TSNARE1: variants seen among roughly 807,000 people sequenced by gnomAD.
TSNARE1 encodes the protein t-SNARE domain-containing protein 1.
TSNARE1 carries 49 observed loss-of-function variants against 62.0 expected under a neutral mutation model. That is an observed-to-expected ratio of 0.79 (90% CI 0.63 to 1.00). The LOEUF is 1.00. Among genes scored for constraint, TSNARE1 ranks in the 50% least tolerant of loss-of-function variants. The probability of loss-of-function intolerance (pLI) is 0.00; values close to 1 mark genes in which losing one functional copy is unlikely to be tolerated. For synonymous variants in TSNARE1, 328 were observed against 294.4 expected, an observed-to-expected ratio of 1.11 and a Z score of -1.17; for missense variants, 755 against 700.1, an observed-to-expected ratio of 1.08 and a Z score of -0.88.
rs879726964 is a variant in TSNARE1, at chr8:142,257,556, G to A, written c.1446+17225C>T. ...GCTTCCCTGGCAGCTGCTTGGCTCC[G>A]GGACACTGGGCAGCTCCCCTGCCGC... On this transcript the variant is annotated intron_variant, in intron 12 of 13. Coordinates refer to ENST00000524325, the MANE Select transcript of TSNARE1 (RefSeq NM_145003.5). Among the ~76,000 whole-genome samples the A allele has an allele frequency of 1.1e-4, 17 of 152,104 alleles. 1 individual carries two copies. Among genetic ancestry groups the A allele is most frequent in the Admixed American group, 7.9e-4 (12 of 15,276 alleles).
At chr8:142,375,682 GA>G (rs1218282091) in intron 1 of TSNARE1, among the ~76,000 whole-genome samples, 1 of 152,238 alleles carries the variant, frequency 6.6e-6, no homozygotes, top group African/African-American at 2.4e-5. Flanking sequence ...GTGGTTCAAT[GA>G]AAATGAAATC....
Position 142,344,459 on chromosome 8 carries a change from G to C in TSNARE1, c.252C>G (p.Ala84=). 1.9e-6 allele frequency: 3 copies of C among 1,558,292 alleles called. No homozygotes were observed. The highest frequency in any genetic ancestry group is 2.6e-6 in the Non-Finnish European group (3 of 1,155,966). The change falls in exon 4 of 14, where the codon GCC becomes GCG. Residue 84 remains alanine, a synonymous_variant. Transcript: ENST00000524325. ...GCTCCGGCATCCGGCTGCCTTCAGG[G>C]GCAACCCCAGGCCCTGGAAAGGCAC... The part of the protein sequence containing the change: ...PRARKRGPGV[A]PEGSRMPEPT...
intron 13 of TSNARE1, among the ~76,000 whole-genome samples, chr8:142,216,915 C>G (rs2129841159): frequency 6.6e-6 from 1 of 152,244 alleles, no homozygotes; most frequent in Middle Eastern, 3.4e-3. Context: ...GGAGATGAAA[C>G]AGGGAGAGGA....
chr8:142,325,242 C>G (rs1251020786), intron 6 of TSNARE1, among the ~76,000 whole-genome samples: 1 of 152,192 alleles, frequency 6.6e-6, no homozygotes, highest in African/African-American at 2.4e-5. Flanking sequence ...GCCCATGAGA[C>G]AGGTCTACAG....
intron 11 of TSNARE1, among the ~76,000 whole-genome samples, chr8:142,283,018 G>T (rs1215319786): frequency 6.7e-6 from 1 of 149,514 alleles, no homozygotes; most frequent in Non-Finnish European, 1.5e-5. Context: ...GCAGAGGCGG[G>T]GTCAGTGTCT....
chr8:142,282,846 C>T (rs1821844996), intron 11 of TSNARE1, among the ~76,000 whole-genome samples: 1 of 132,376 alleles, frequency 7.6e-6, no homozygotes, highest in Non-Finnish European at 1.6e-5. Context: ...GGAGGTGGGG[C>T]CAGTGTCTAT....
At chr8:142,284,582 T>C in intron 10 of TSNARE1, 97 bp from the exon 11 acceptor site, 5 of 961,768 alleles carry the variant, frequency 5.2e-6, no homozygotes, top group Non-Finnish European at 8.3e-6. Flanking sequence ...CGGGCCCAGG[T>C]GGCACCTGCA....
intron 12 of TSNARE1, chr8:142,273,643 G>A (rs1297202178): frequency 2.2e-5 from 22 of 985,232 alleles, no homozygotes; most frequent in Admixed American, 6.2e-5. Flanking sequence ...CATGGCCCCC[G>A]ACAGAAATGG....
chr8:142,304,008 G>A (rs929417535), intron 9 of TSNARE1, among the ~76,000 whole-genome samples: 1 of 152,260 alleles, frequency 6.6e-6, no homozygotes, highest in Non-Finnish European at 1.5e-5. Flanking sequence ...GTGGGATGGT[G>A]AGGCTGCCCT....
At chr8:142,384,408 A>G (rs1414000221) in intron 1 of TSNARE1, among the ~76,000 whole-genome samples, 1 of 152,246 alleles carries the variant, frequency 6.6e-6, no homozygotes, top group Non-Finnish European at 1.5e-5. Flanking sequence ...TGGAGGCCAC[A>G]TTCTTCCTGA....
chr8:142,337,970 C>A (rs1832002875), intron 4 of TSNARE1, among the ~76,000 whole-genome samples: 1 of 152,168 alleles, frequency 6.6e-6, no homozygotes, highest in African/African-American at 2.4e-5. Flanking sequence ...CAGAGAGGGC[C>A]CCCCTCATTC....
At chr8:142,370,026 T>C (rs1429946518) in intron 1 of TSNARE1, among the ~76,000 whole-genome samples, 1 of 152,092 alleles carries the variant, frequency 6.6e-6, no homozygotes, top group Non-Finnish European at 1.5e-5. Flanking sequence ...GGTGGAGCGC[T>C]CATGAATTGG....
intron 1 of TSNARE1, among the ~76,000 whole-genome samples, chr8:142,355,842 A>T (rs568179118): frequency 6.6e-6 from 1 of 152,198 alleles, no homozygotes; most frequent in African/African-American, 2.4e-5. Flanking sequence ...GTGTGACCCC[A>T]CGTTCCCTCT....
intron 12 of TSNARE1, chr8:142,247,489 T>C (rs1397433161): frequency 6.6e-6 from 1 of 152,148 alleles, no homozygotes; most frequent in Non-Finnish European, 1.5e-5. Context: ...ATTTTGGAAG[T>C]GAATAACTTG....
chr8:142,257,334 G>C (rs549547537), intron 12 of TSNARE1, among the ~76,000 whole-genome samples: 17 of 152,276 alleles, frequency 1.1e-4, no homozygotes, highest in Non-Finnish European at 2.2e-4. Flanking sequence ...TGCTCAGGAG[G>C]GGCCTGCGGA....
At chr8:142,386,076 T>C (rs569201435) in intron 1 of TSNARE1, among the ~76,000 whole-genome samples, 1 of 152,318 alleles carries the variant, frequency 6.6e-6, no homozygotes, top group East Asian at 1.9e-4. Flanking sequence ...ATAGCTCTCA[T>C]TTCTTGCCAG....
intron 4 of TSNARE1, among the ~76,000 whole-genome samples, chr8:142,332,864 A>C (rs970235503): frequency 3.9e-5 from 6 of 152,194 alleles, no homozygotes; most frequent in African/African-American, 1.4e-4. Flanking sequence ...GAAGCTCCTG[A>C]AGAGCACTCC....
intron 1 of TSNARE1, among the ~76,000 whole-genome samples, chr8:142,392,622 C>T (rs1330878780): frequency 6.6e-6 from 1 of 152,172 alleles, no homozygotes; most frequent in Non-Finnish European, 1.5e-5. Context: ...CGTCCTTATG[C>T]TTCACGTGAC....
chr8:142,369,520 T>C (rs1303540494), intron 1 of TSNARE1, among the ~76,000 whole-genome samples: 2 of 152,126 alleles, frequency 1.3e-5, no homozygotes, highest in African/African-American at 4.8e-5. Context: ...AGAGCCAGAC[T>C]GAGGAGAGGT....
Sources: allele counts gnomAD v4.1 joint callset (sites outside exome capture counted in the v4.1 genomes callset), GRCh38; gene constraint gnomAD v4.1.1; transcripts MANE v1.5; gene names NCBI Gene and HGNC (gene_info 2026-07-23, HGNC 2026-07-21).